The following MTA3 variants were observed in gnomAD, a reference collection of about 807,000 sequenced individuals.
MTA3 encodes the protein metastasis associated 1 family member 3, also known as metastasis-associated protein MTA3.
Under a neutral mutation model 83.5 loss-of-function variants are expected in MTA3, and 34 were observed. The observed-to-expected ratio is 0.41, with a 90% confidence interval of 0.31 to 0.54. The LOEUF is 0.54. Ranked by LOEUF, MTA3 falls within the 20% of genes least tolerant of loss-of-function variation. The pLI, the probability that MTA3 is intolerant of heterozygous loss-of-function variation, is 0.33. For missense variants in MTA3, 761 were observed against 726.4 expected, an observed-to-expected ratio of 1.05 and a Z score of -0.55; for synonymous variants, 303 against 252.7, an observed-to-expected ratio of 1.20 and a Z score of -1.89.
Position 42,727,190 on chromosome 2 carries a change from C to T in MTA3, c.1759+4155C>T, listed in dbSNP as rs186539239. On this transcript the variant is annotated intron_variant, in intron 16 of 16. Coordinates refer to ENST00000405094, the MANE Select transcript of MTA3 (RefSeq NM_001330442.2). ...TCTAGCCTGGGTTACAGAGTGAGAT[C>T]CTGTCTCTTAAAAAGAAAGAAAGAA... 2.5e-3 allele frequency among the ~76,000 whole-genome samples: 380 copies of T among 152,150 alleles called. 4 individuals carry two copies. The highest frequency in any genetic ancestry group is 1.9e-3 in the Non-Finnish European group (131 of 68,014).
At chr2:42,682,156 C>G (rs960243861) in intron 8 of MTA3, among the ~76,000 whole-genome samples, 3 of 152,124 alleles carry the variant, frequency 2.0e-5, no homozygotes, top group African/African-American at 7.2e-5. Flanking sequence ...TGCTGCTGCA[C>G]TCTAGCCTGG....
At chr2:42,683,576 G>T (rs946001617) in intron 9 of MTA3, among the ~76,000 whole-genome samples, 5 of 152,162 alleles carry the variant, frequency 3.3e-5, no homozygotes, top group African/African-American at 1.2e-4. Flanking sequence ...CCATAATGGA[G>T]AATCAGTGAG....
chr2:42,506,484 A>G (rs535312394), intron 2 of MTA3, among the ~76,000 whole-genome samples: 1 of 151,956 alleles, frequency 6.6e-6, no homozygotes, highest in South Asian at 2.1e-4. Context: ...TTTTGAGTAA[A>G]AATAAAATGT....
intron 11 of MTA3, among the ~76,000 whole-genome samples, chr2:42,699,425 T>C (rs1023563111): frequency 1.3e-5 from 2 of 152,236 alleles, no homozygotes; most frequent in Middle Eastern, 6.8e-3. Flanking sequence ...TCATGAACAG[T>C]GGAAGTTGAT....
chr2:42,623,720 A>G (rs74415143), intron 4 of MTA3, among the ~76,000 whole-genome samples: 12,043 of 131,722 alleles, frequency 0.091, 570 homozygotes, highest in African/African-American at 0.13. Flanking sequence ...TTTTTTTGAG[A>G]CAGAGTCTGT....
chr2:42,723,163 G>C, intron 16 of MTA3, 128 bp downstream of exon 16: 1 of 1,100,898 alleles, frequency 9.1e-7, no homozygotes, highest in Non-Finnish European at 1.3e-6. Flanking sequence ...ATGTGGTTGA[G>C]GAATAAGGGG....
chr2:42,535,378 C>CT (rs1356105304), intron 2 of MTA3, among the ~76,000 whole-genome samples: 3 of 151,502 alleles, frequency 2.0e-5, no homozygotes, highest in Non-Finnish European at 4.4e-5. Context: ...CAGAGCAAGA[C>CT]TTTGTCAAAA....
At position 42,672,370 on chromosome 2, in the gene MTA3, C is replaced by T. The variant is rs557474154; in HGVS notation, c.703-10031C>T. Reference sequence around the variant, plus strand: ...AAAAAAAAAAAAAATAGGCCAGGTGCAGTGGCTCACGCCTGTAATCCTAGC... The same window carrying T: ...AAAAAAAAAAAAAATAGGCCAGGTGTAGTGGCTCACGCCTGTAATCCTAGC... On this transcript the variant is annotated intron_variant, in intron 8 of 16. Coordinates refer to ENST00000405094, the MANE Select transcript of MTA3 (RefSeq NM_001330442.2). Among the ~76,000 whole-genome samples the T allele has an allele frequency of 5.1e-4, 77 of 150,544 alleles. 1 individual carries two copies. Among genetic ancestry groups the T allele is most frequent in the African/African-American group, 1.6e-3 (66 of 41,062 alleles).
At chr2:42,741,763 C>T (rs1002151153) in intron 16 of MTA3, among the ~76,000 whole-genome samples, 3 of 151,740 alleles carry the variant, frequency 2.0e-5, no homozygotes, top group African/African-American at 7.3e-5. Flanking sequence ...GCTTGTGGCC[C>T]AAAACAATTA....
At position 42,517,864 on chromosome 2, in the gene MTA3, CA is replaced by C. The variant is rs386390061; in HGVS notation, c.-141+22627del. On this transcript the variant is annotated intron_variant, in intron 2 of 17. Transcript: ENST00000405592. ...ACTGCACTCCAGTGAGACTCTGTCTCAAAAAAAAAAAAAAAAAGAAGAAAAG... is the reference window on the plus strand; with the variant it reads ...ACTGCACTCCAGTGAGACTCTGTCTCAAAAAAAAAAAAAAAAGAAGAAAAG... 2.2e-3 allele frequency among the ~76,000 whole-genome samples: 211 copies of C among 95,230 alleles called. 1 individual carries two copies. The highest frequency in any genetic ancestry group is 1.6e-3 in the Non-Finnish European group (75 of 47,662). 62.5% of individuals were successfully genotyped at this position (95,230 alleles called of 152,430 possible).
intron 14 of MTA3, among the ~76,000 whole-genome samples, chr2:42,715,308 G>A (rs905579906): frequency 6.6e-6 from 1 of 151,866 alleles, no homozygotes; most frequent in Non-Finnish European, 1.5e-5. Context: ...CTACTGAATG[G>A]CAACAACTTT....
intron 8 of MTA3, among the ~76,000 whole-genome samples, chr2:42,663,623 G>T (rs1689941864): frequency 6.6e-6 from 1 of 152,150 alleles, no homozygotes; most frequent in Admixed American, 6.5e-5. Context: ...AAATTAGCCA[G>T]GCATGGTGGT....
At chr2:42,556,822 C>T (rs922416388) in intron 2 of MTA3, among the ~76,000 whole-genome samples, 1 of 152,270 alleles carries the variant, frequency 6.6e-6, no homozygotes, top group African/African-American at 2.4e-5. Flanking sequence ...CTACCTTCAG[C>T]ATTGCTCTGA....
Position 42,745,008 on chromosome 2 carries a change from C to G in MTA3, c.1760-8366C>G, listed in dbSNP as rs758538048. Among the ~76,000 whole-genome samples, 11 of 152,306 alleles carry G rather than the reference C, an allele frequency of 7.2e-5. No homozygotes were observed. In the South Asian group the frequency reaches 1.7e-3, roughly 23 times the overall value. The stretch of plus-strand genomic sequence containing the variant: ...ACTGGGTTCATTTGAAGCTTCTCAG[C>G]CCTGCTCACTGTTTATTTCACTGTT... On this transcript the variant is annotated intron_variant, in intron 16 of 16. Coordinates refer to ENST00000405094, the MANE Select transcript of MTA3 (RefSeq NM_001330442.2).
At chr2:42,649,505 C>A (rs1252974999) in intron 6 of MTA3, among the ~76,000 whole-genome samples, 1 of 151,840 alleles carries the variant, frequency 6.6e-6, no homozygotes, top group Non-Finnish European at 1.5e-5. Flanking sequence ...GCACTTAAAA[C>A]TTGTATTAAC....
chr2:42,562,559 G>C (rs1572987476), intron 2 of MTA3, among the ~76,000 whole-genome samples: 1 of 152,082 alleles, frequency 6.6e-6, no homozygotes, highest in South Asian at 2.1e-4. Flanking sequence ...TTGGTTTCCC[G>C]GTCTGCCTTG....
chr2:42,731,409 T>C (rs1668220438), intron 16 of MTA3, among the ~76,000 whole-genome samples: 2 of 152,192 alleles, frequency 1.3e-5, no homozygotes, highest in African/African-American at 4.8e-5. Flanking sequence ...GACTTACAGT[T>C]CCATATGCCT....
At chr2:42,705,918 T>A (rs567596184) in intron 12 of MTA3, among the ~76,000 whole-genome samples, 70 of 152,346 alleles carry the variant, frequency 4.6e-4, no homozygotes, top group African/African-American at 1.6e-3. Flanking sequence ...AACTTGATGT[T>A]TTCTATTTAT....
At chr2:42,519,153 G>C (rs9750962) in intron 2 of MTA3, among the ~76,000 whole-genome samples, 51,691 of 151,848 alleles carry the variant, frequency 0.34, 8,934 homozygotes, top group Middle Eastern at 0.45. Flanking sequence ...TGTACCCCTT[G>C]ATATGATGTG....
Sources: gnomAD v4.1 joint callset for allele counts (sites outside exome capture counted in the v4.1 genomes callset) on GRCh38, gnomAD v4.1.1 for gene constraint, MANE v1.5 for transcripts, NCBI Gene and HGNC (gene_info 2026-07-23, HGNC 2026-07-21) for gene names.